Variants in MSH4 observed in about 807,000 individuals in gnomAD.
The protein encoded by MSH4 is mutS protein homolog 4.
In MSH4, 106 loss-of-function variants were observed where a neutral mutation model predicts 113.7. The observed-to-expected ratio is 0.93, with a 90% CI of 0.80 to 1.10. The LOEUF is 1.10. Ranked by LOEUF, MSH4 falls within the 50% of genes least tolerant of loss-of-function variation. MSH4 has a pLI of 0.00. For synonymous variants in MSH4, 368 were observed against 380.2 expected (o/e 0.97, Z 0.37); for missense variants, 1,061 against 1,093.7 (o/e 0.97, Z 0.42).
intron 17 of MSH4, among the ~76,000 whole-genome samples, chr1:75,892,965 A>G (rs1324839099): frequency 6.6e-6 from 1 of 152,136 alleles, no homozygotes; most frequent in East Asian, 1.9e-4. Context: ...TTCCAGGTGA[A>G]TGCAGGCAAA....
chr1:75,889,603 A>G (rs1652205535), intron 16 of MSH4, among the ~76,000 whole-genome samples: 1 of 152,184 alleles, frequency 6.6e-6, no homozygotes, highest in African/African-American at 2.4e-5. Flanking sequence ...AAGTAATAAA[A>G]GTGTGCCTAA....
intron 8 of MSH4, among the ~76,000 whole-genome samples, chr1:75,861,703 A>C (rs1451885340): frequency 1.3e-5 from 2 of 152,194 alleles, no homozygotes; most frequent in African/African-American, 4.8e-5. Context: ...AGGTGTCTCC[A>C]AGTCAGGCTA....
intron 7 of MSH4, among the ~76,000 whole-genome samples, chr1:75,845,073 A>T (rs534007246): frequency 1.1e-4 from 16 of 152,356 alleles, no homozygotes; most frequent in Admixed American, 1.0e-3. Context: ...TCCATTCATG[A>T]GGGCAGAGCC....
Position 75,881,435 on chromosome 1 carries a change from G to A in MSH4, c.1906+65G>A, listed in dbSNP as rs893271930. 8 of 1,518,332 alleles carry A rather than the reference G, an allele frequency of 5.3e-6. No homozygotes were observed. In the African/African-American group the frequency reaches 1.1e-4, roughly 21 times the overall value. 94.1% of individuals were successfully genotyped at this position (1,518,332 alleles called of 1,614,324 possible). On this transcript the variant is annotated intron_variant, in intron 14 of 19. Coordinates refer to ENST00000263187, the MANE Select transcript of MSH4 (RefSeq NM_002440.4). The stretch of plus-strand genomic sequence containing the variant: ...AATTTGTATTCGATTCAAACAATTT[G>A]ATATAATAGTTATGACATTTAAAAT...
chr1:75,823,206 G>A (rs935549513), intron 7 of MSH4, among the ~76,000 whole-genome samples: 8 of 152,062 alleles, frequency 5.3e-5, no homozygotes, highest in Admixed American at 1.3e-4. Flanking sequence ...TCACATTGTC[G>A]TCTTATAAAG....
intron 6 of MSH4, among the ~76,000 whole-genome samples, chr1:75,819,588 TAG>T (rs1392709199): frequency 6.6e-6 from 1 of 152,258 alleles, no homozygotes; most frequent in Non-Finnish European, 1.5e-5. Context: ...GTGTTTAGCA[TAG>T]AGTTTTGAAT....
intron 2 of MSH4, among the ~76,000 whole-genome samples, chr1:75,805,858 T>A (rs923613842): frequency 7.2e-5 from 11 of 152,164 alleles, no homozygotes; most frequent in African/African-American, 2.7e-4. Flanking sequence ...ATCATCATCA[T>A]CATCATAAGA....
At chr1:75,912,386 C>A (rs1012880545) in intron 19 of MSH4, among the ~76,000 whole-genome samples, 1 of 151,928 alleles carries the variant, frequency 6.6e-6, no homozygotes, top group Non-Finnish European at 1.5e-5. Flanking sequence ...TATTACTTTT[C>A]GGTATTATGT....
chr1:75,907,684 C>CTCTCTCTCTCTATATATATATATATATA (rs1307238647), intron 19 of MSH4, among the ~76,000 whole-genome samples: 1 of 46,574 alleles, frequency 2.1e-5, no homozygotes, highest in African/African-American at 9.9e-5. Flanking sequence ...CTCTCTCTCT[C>CTCTCTCTCTCTATATATATATATATATA]TATACATATA....
rs1652743981 is a variant in MSH4, at chr1:75,909,603, A to G, written c.2620-3093A>G. The stretch of plus-strand genomic sequence containing the variant: ...CCGTCATCTAGGTTTTAAGTCCCGC[A>G]TGCATTAGATATTTGTCCTAATGCT... On this transcript the variant is annotated intron_variant, in intron 19 of 19. Coordinates refer to ENST00000263187, the MANE Select transcript of MSH4 (RefSeq NM_002440.4). Among the ~76,000 whole-genome samples the G allele has an allele frequency of 3.9e-5, 6 of 151,958 alleles. No homozygotes were observed. In the South Asian group the frequency reaches 1.2e-3, roughly 32 times the overall value.
At chr1:75,910,759 T>C (rs1380415921) in intron 19 of MSH4, among the ~76,000 whole-genome samples, 3 of 152,146 alleles carry the variant, frequency 2.0e-5, no homozygotes, top group African/African-American at 7.2e-5. Context: ...TCTTAATCTA[T>C]GTTTAAAAGC....
At chr1:75,847,124 C>T (rs1651091876) in intron 7 of MSH4, among the ~76,000 whole-genome samples, 1 of 152,152 alleles carries the variant, frequency 6.6e-6, no homozygotes, top group Non-Finnish European at 1.5e-5. Flanking sequence ...CAAGAACCCA[C>T]TCTCATGATA....
chr1:75,822,456 G>C lies in MSH4; in HGVS notation c.1037G>C (p.Gly346Ala). The change falls in exon 7 of 20, where the codon GGA (glycine) becomes GCA (alanine). Residue 346 changes from glycine to alanine, a missense_variant. Coordinates refer to ENST00000263187, the MANE Select transcript of MSH4 (RefSeq NM_002440.4). ...GTTCTAAATTATACTAAGACTCCTG[G>C]AGGGAGTAGACGACTTCGTTCTAAT... Reference protein sequence around the residue: ...FGVLNYTKTPGGSRRLRSNIL... With the variant: ...FGVLNYTKTPAGSRRLRSNIL... 4 of 1,582,052 alleles carry C rather than the reference G, an allele frequency of 2.5e-6. No homozygotes were observed. Among genetic ancestry groups the C allele is most frequent in the Non-Finnish European group, 2.6e-6 (3 of 1,166,358 alleles).
rs1320504751 is a variant in MSH4, at chr1:75,902,705, A to G, written c.2619+2999A>G. ...TATATATATATATATATATATATATATATATATATATATATATATATATAT... is the reference window on the plus strand; with the variant it reads ...TATATATATATATATATATATATATGTATATATATATATATATATATATAT... On this transcript the variant is annotated intron_variant, in intron 19 of 19. Coordinates refer to ENST00000263187, the MANE Select transcript of MSH4 (RefSeq NM_002440.4). Among the ~76,000 whole-genome samples, 17 of 44,626 alleles carry G rather than the reference A, an allele frequency of 3.8e-4. 1 individual carries two copies. The highest frequency in any genetic ancestry group is 1.4e-3 in the African/African-American group (12 of 8,358). The allele number at this position is 44,626 out of a possible 152,430, so 29.3% of individuals were successfully genotyped here.
intron 1 of MSH4, among the ~76,000 whole-genome samples, chr1:75,803,480 G>A (rs1021141736): frequency 1.6e-4 from 25 of 152,056 alleles, no homozygotes; most frequent in African/African-American, 5.1e-4. Context: ...CACCAGGCGT[G>A]GTGGCGGGTG....
At chr1:75,912,174 G>T (rs1476841507) in intron 19 of MSH4, among the ~76,000 whole-genome samples, 1 of 151,968 alleles carries the variant, frequency 6.6e-6, no homozygotes. Flanking sequence ...TTCTATATAT[G>T]TACTCTCTTT....
At chr1:75,888,071 T>A (rs1652165649) in intron 15 of MSH4, among the ~76,000 whole-genome samples, 1 of 150,218 alleles carries the variant, frequency 6.7e-6, no homozygotes. Flanking sequence ...ATAGGTGCCG[T>A]TATTATAATT....
chr1:75,896,393 A>ACACACACC (rs1553139301), intron 17 of MSH4, among the ~76,000 whole-genome samples: 2 of 110,872 alleles, frequency 1.8e-5, no homozygotes, highest in African/African-American at 6.8e-5. Flanking sequence ...ACACACACAC[A>ACACACACC]CCCTATTGGT....
At chr1:75,858,561 T>C (rs1651376801) in intron 8 of MSH4, among the ~76,000 whole-genome samples, 1 of 152,184 alleles carries the variant, frequency 6.6e-6, no homozygotes, top group African/African-American at 2.4e-5. Flanking sequence ...TTGTGATGGA[T>C]TATGTTTATT....
Sources: allele counts gnomAD v4.1 joint callset (sites outside exome capture counted in the v4.1 genomes callset), GRCh38; gene constraint gnomAD v4.1.1; transcripts MANE v1.5; gene names NCBI Gene and HGNC (gene_info 2026-07-23, HGNC 2026-07-21).